Variants in BBS9 observed in about 807,000 individuals in gnomAD.
BBS9 encodes Bardet-Biedl syndrome 9, also known as protein PTHB1.
Under a neutral mutation model 117.7 loss-of-function variants are expected in BBS9, and 89 were observed. The ratio of observed to expected loss-of-function variants is 0.76; its 90% CI spans 0.64 to 0.90. The LOEUF (loss-of-function observed/expected upper bound fraction) is 0.90. Among genes scored for constraint, BBS9 ranks in the 40% least tolerant of loss-of-function variants. The probability of loss-of-function intolerance (pLI) is 0.00; values close to 1 mark genes in which losing one functional copy is unlikely to be tolerated. For synonymous variants in BBS9, 379 were observed against 370.9 expected, an observed-to-expected ratio of 1.02 and a Z score of -0.25; for missense variants, 982 against 1,042.2, an observed-to-expected ratio of 0.94 and a Z score of 0.80.
intron 20 of BBS9, among the ~76,000 whole-genome samples, chr7:33,517,476 C>T (rs1847967018): frequency 6.6e-6 from 1 of 152,200 alleles, no homozygotes; most frequent in Non-Finnish European, 1.5e-5. Flanking sequence ...TTCCCTCATC[C>T]TTTATGCAGG....
intron 9 of BBS9, among the ~76,000 whole-genome samples, chr7:33,330,753 G>C (rs746375059): frequency 5.9e-5 from 9 of 152,034 alleles, no homozygotes; most frequent in African/African-American, 1.4e-4. Context: ...AACGTCCTAG[G>C]AATGTAATAT....
chr7:33,320,547 A>G lies in BBS9; in HGVS notation c.1017-15894A>G, dbSNP rs185721296. On this transcript the variant is annotated intron_variant, in intron 9 of 22. Coordinates refer to ENST00000242067, the MANE Select transcript of BBS9 (RefSeq NM_198428.3). ...TGGCTATTGTGAATAGTGCTGCAAT[A>G]AACATGAGACTGGATATCTCTCCAA... Among the ~76,000 whole-genome samples, 844 of 152,302 alleles carry G rather than the reference A, an allele frequency of 5.5e-3. 3 individuals carry two copies. The highest frequency in any genetic ancestry group is 8.9e-3 in the Non-Finnish European group (606 of 67,996).
intron 19 of BBS9, among the ~76,000 whole-genome samples, chr7:33,400,747 A>G (rs1410721974): frequency 6.6e-6 from 1 of 152,238 alleles, no homozygotes; most frequent in Non-Finnish European, 1.5e-5. Flanking sequence ...GAGAGCTAAT[A>G]GTGCTCAGAG....
At chr7:33,170,933 A>G (rs1330008347) in intron 4 of BBS9, among the ~76,000 whole-genome samples, 3 of 151,184 alleles carry the variant, frequency 2.0e-5, no homozygotes, top group East Asian at 1.9e-4. Context: ...ACTACAAACC[A>G]CTGCTCAAGG....
At chr7:33,378,996 G>A (rs556395064) in intron 17 of BBS9, among the ~76,000 whole-genome samples, 1 of 152,152 alleles carries the variant, frequency 6.6e-6, no homozygotes, top group Non-Finnish European at 1.5e-5. Flanking sequence ...TTGCCTGGAC[G>A]TACCTGAACA....
chr7:33,320,328 C>T (rs978405796), intron 9 of BBS9, among the ~76,000 whole-genome samples: 1 of 152,112 alleles, frequency 6.6e-6, no homozygotes, highest in Admixed American at 6.5e-5. Context: ...CACAAATAAG[C>T]AAGAACATGC....
At chr7:33,534,791 G>C (rs536391041) in intron 21 of BBS9, among the ~76,000 whole-genome samples, 51 of 152,248 alleles carry the variant, frequency 3.3e-4, no homozygotes, top group Admixed American at 3.3e-3. Context: ...CAGTCGTGCA[G>C]CCCTCAGGTC....
intron 9 of BBS9, among the ~76,000 whole-genome samples, chr7:33,332,714 C>T (rs1043258634): frequency 2.0e-5 from 3 of 150,390 alleles, no homozygotes; most frequent in East Asian, 2.0e-4. Context: ...ACAACAAAAA[C>T]AAAAAAGAAA....
At chr7:33,585,139 C>G (rs2129168155) in intron 21 of BBS9, among the ~76,000 whole-genome samples, 1 of 152,100 alleles carries the variant, frequency 6.6e-6, no homozygotes, top group East Asian at 1.9e-4. Flanking sequence ...AAGTATCCAC[C>G]AATGCTGAAT....
chr7:33,176,109 G>C (rs1252459355), intron 4 of BBS9, among the ~76,000 whole-genome samples: 1 of 152,134 alleles, frequency 6.6e-6, no homozygotes, highest in African/African-American at 2.4e-5. Context: ...TATAAATGGA[G>C]ATTTCTTTTT....
intron 9 of BBS9, among the ~76,000 whole-genome samples, chr7:33,317,992 C>G (rs4341064): frequency 0.048 from 7,315 of 152,222 alleles, 222 homozygotes; most frequent in East Asian, 0.14. Flanking sequence ...GCAGAAGTTG[C>G]AGTGAGTCGA....
intron 5 of BBS9, among the ~76,000 whole-genome samples, chr7:33,228,267 G>A (rs1791676741): frequency 6.6e-6 from 1 of 151,920 alleles, no homozygotes; most frequent in African/African-American, 2.4e-5. Flanking sequence ...TTGACTGTTT[G>A]TATATCCTTT....
intron 9 of BBS9, among the ~76,000 whole-genome samples, chr7:33,299,744 A>G (rs1805993149): frequency 1.3e-5 from 2 of 152,096 alleles, no homozygotes; most frequent in South Asian, 4.1e-4. Flanking sequence ...ACACCAAACA[A>G]TAATTTTTGA....
rs370662412 is a variant in BBS9, at chr7:33,533,967, C to T, written c.2312C>T (p.Thr771Met). The change falls in exon 21 of 23, where the codon ACG becomes ATG. Residue 771 changes from threonine (T) to methionine (M), a missense_variant. Thr to Met is a moderately conservative substitution (Grantham distance 81). Coordinates refer to ENST00000242067, the MANE Select transcript of BBS9 (RefSeq NM_198428.3). The part of the protein sequence containing the change: ...EDTQELGWEE[T>M]VDAAISHLLK... ...TTTTGTATCCAGGGCTGGGAAGAAA[C>T]GGTGGATGCCGCCATTTCCCACCTG... is the stretch of plus-strand genomic sequence containing the variant. 2.0e-5 allele frequency: 33 copies of T among 1,614,052 alleles called. No homozygotes were observed. The highest frequency in any genetic ancestry group is 6.6e-5 in the South Asian group (6 of 91,082).
chr7:33,308,530 C>T lies in BBS9; in HGVS notation c.1017-27911C>T, dbSNP rs76815306. Among the ~76,000 whole-genome samples, 429 of 152,260 alleles carry T rather than the reference C, an allele frequency of 2.8e-3. 1 individual carries two copies. Among genetic ancestry groups the T allele is most frequent in the African/African-American group, 9.9e-3 (411 of 41,552 alleles). ...TTCAGAAGATCTGGTTATTCACTAA[C>T]GGTCTGATGTTTGGCAGCTTGTGTT... On this transcript the variant is annotated intron_variant, in intron 9 of 22. Transcript: ENST00000242067.
chr7:33,450,533 C>T (rs1014607647), intron 19 of BBS9, among the ~76,000 whole-genome samples: 1 of 152,176 alleles, frequency 6.6e-6, no homozygotes, highest in Non-Finnish European at 1.5e-5. Context: ...TTCACTAACA[C>T]TGATGTGTGT....
At chr7:33,517,560 C>T (rs963971455) in intron 20 of BBS9, among the ~76,000 whole-genome samples, 12 of 152,222 alleles carry the variant, frequency 7.9e-5, no homozygotes, top group Non-Finnish European at 1.6e-4. Flanking sequence ...TGCCGCTCAA[C>T]AGCATACACC....
chr7:33,303,727 T>C (rs1424943162), intron 9 of BBS9, among the ~76,000 whole-genome samples: 1 of 152,126 alleles, frequency 6.6e-6, no homozygotes, highest in Non-Finnish European at 1.5e-5. Flanking sequence ...CGGGCTGGTC[T>C]CCAGCTCCTG....
intron 21 of BBS9, among the ~76,000 whole-genome samples, chr7:33,548,419 C>T (rs1853772423): frequency 6.6e-6 from 1 of 151,636 alleles, no homozygotes. Flanking sequence ...CATATGTATA[C>T]ATGTGCCATG....
Sources: allele counts gnomAD v4.1 joint callset (sites outside exome capture counted in the v4.1 genomes callset), GRCh38; gene constraint gnomAD v4.1.1; transcripts MANE v1.5; gene names NCBI Gene and HGNC (gene_info 2026-07-23, HGNC 2026-07-21).